The following BPIFC variants were observed in gnomAD, a reference collection of about 807,000 sequenced individuals.
BPIFC encodes the protein BPI fold-containing family C protein.
In BPIFC, 60 loss-of-function variants were observed where a neutral mutation model predicts 57.6. The observed-to-expected ratio is 1.04, with a 90% CI of 0.85 to 1.29. The LOEUF (loss-of-function observed/expected upper bound fraction) is 1.29, where lower values mean the gene tolerates loss of function less well. BPIFC is among the 50% of genes most tolerant of loss of function. The probability of loss-of-function intolerance (pLI) is 0.00; values close to 1 mark genes in which losing one functional copy is unlikely to be tolerated. For synonymous variants in BPIFC, 243 were observed against 224.5 expected, an observed-to-expected ratio of 1.08 and a Z score of -0.74; for missense variants, 581 against 600.5, an observed-to-expected ratio of 0.97 and a Z score of 0.34.
chr22:32,415,449 C>T (rs957794602), intron 16 of BPIFC, among the ~76,000 whole-genome samples: 66 of 152,136 alleles, frequency 4.3e-4, no homozygotes, highest in African/African-American at 1.5e-3. Flanking sequence ...AGCCGGAAAA[C>T]GATTCGATCC....
chr22:32,417,789 G>A (rs16990428), intron 14 of BPIFC, among the ~76,000 whole-genome samples: 13,168 of 152,080 alleles, frequency 0.087, 970 homozygotes, highest in East Asian at 0.45. Flanking sequence ...TGGGAATCTC[G>A]GCCACAGGAG....
chr22:32,436,011 T>C, intron 9 of BPIFC, 131 bp from the exon 10 acceptor site: 2 of 989,420 alleles, frequency 2.0e-6, no homozygotes, highest in Non-Finnish European at 2.9e-6. Context: ...GGCTCACGCC[T>C]ATAATCCCAA....
At chr22:32,463,648 A>C (rs1346336069) in intron 1 of BPIFC, among the ~76,000 whole-genome samples, 1 of 152,248 alleles carries the variant, frequency 6.6e-6, no homozygotes, top group African/African-American at 2.4e-5. Context: ...TGAAAAATTA[A>C]GTTCAACAGG....
chr22:32,434,781 T>A (rs1774203519), intron 10 of BPIFC, among the ~76,000 whole-genome samples: 1 of 152,200 alleles, frequency 6.6e-6, no homozygotes, highest in South Asian at 2.1e-4. Flanking sequence ...GCTTTATACC[T>A]ACTTATATAA....
intron 8 of BPIFC, among the ~76,000 whole-genome samples, chr22:32,441,037 A>C (rs1934551519): frequency 1.3e-5 from 2 of 152,078 alleles, no homozygotes; most frequent in South Asian, 2.1e-4. Context: ...CACATCCCTG[A>C]AGATCAAACC....
intron 5 of BPIFC, among the ~76,000 whole-genome samples, 175 bp downstream of exon 5, chr22:32,447,037 A>G (rs942029662): frequency 6.6e-6 from 1 of 151,932 alleles, no homozygotes; most frequent in South Asian, 2.1e-4. Flanking sequence ...TTTCATCAAA[A>G]CCCCCCAGTA....
rs573123988 is a variant in BPIFC at position 32,434,171 on chromosome 22, AATCT to A, written c.925-403_925-400del. Among the ~76,000 whole-genome samples, 827 of 149,448 alleles carry A rather than the reference AATCT, an allele frequency of 5.5e-3. 7 individuals are homozygous for A. The highest frequency in any genetic ancestry group is 0.019 in the African/African-American group (767 of 41,016). ...TACATATTCTTTATATATATATTAC[AATCT>A]ATCTATGTGTACATATTCTTTATTT... On this transcript the variant is annotated intron_variant, in intron 10 of 16. Transcript: ENST00000300399.
intron 13 of BPIFC, among the ~76,000 whole-genome samples, chr22:32,427,958 G>C (rs893064880): frequency 2.0e-5 from 3 of 152,164 alleles, no homozygotes; most frequent in African/African-American, 7.2e-5. Flanking sequence ...CTGCACTCCA[G>C]CCTGGGTGAC....
intron 2 of BPIFC, among the ~76,000 whole-genome samples, chr22:32,461,147 C>G (rs1435789102): frequency 6.6e-6 from 1 of 151,938 alleles, no homozygotes; most frequent in Non-Finnish European, 1.5e-5. Flanking sequence ...GTTGGGGGCA[C>G]TGGGAATAGG....
chr22:32,451,033 T>A (rs1464157937), intron 4 of BPIFC, among the ~76,000 whole-genome samples: 1 of 152,230 alleles, frequency 6.6e-6, no homozygotes, highest in Non-Finnish European at 1.5e-5. Flanking sequence ...TAAAAATGCA[T>A]TTCCTCAGTT....
intron 6 of BPIFC, 29 bp from the exon 7 acceptor site, chr22:32,445,727 A>AG (rs933087501): frequency 6.6e-7 from 1 of 1,526,004 alleles, no homozygotes; most frequent in Non-Finnish European, 8.8e-7. Context: ...AAAAAAAAAA[A>AG]AAAAAAAAGA....
In BPIFC at chr22:32,435,868, G is replaced by C. The variant is rs1934379907; in HGVS notation, c.760C>G (p.Pro254Ala). 2 of 1,613,330 alleles carry C rather than the reference G, an allele frequency of 1.2e-6. No individual in the cohort carries two copies. Among genetic ancestry groups the C allele is most frequent in the South Asian group, 2.2e-5 (2 of 90,996 alleles). ...LDLNLKGVFY[P>A]LENLTDPPFS... is the part of the protein sequence containing the mutation. ...GGGGGGTCGGTGAGGTTTTCCAGTG[G>C]GTAGAATACACCCTGTGGGAAAAGA... is the stretch of plus-strand genomic sequence containing the variant. The change falls in exon 10 of 17, where the codon CCA becomes GCA. Residue 254 changes from proline to alanine, a missense_variant. Coordinates refer to ENST00000300399, the MANE Select transcript of BPIFC (RefSeq NM_174932.3).
At chr22:32,431,439 A>ATTTATTT in intron 12 of BPIFC, 25 bp from the exon 13 acceptor site, 1 of 1,343,070 alleles carries the variant, frequency 7.4e-7, no homozygotes. Flanking sequence ...AGCATTTATT[A>ATTTATTT]TTAAGACGAG....
At position 32,445,833 on chromosome 22, in the gene BPIFC, T is replaced by C; in HGVS notation, c.530+8A>G. 1 of 1,611,532 alleles carries C rather than the reference T, an allele frequency of 6.2e-7. No homozygotes were observed. Among genetic ancestry groups the C allele is most frequent in the Non-Finnish European group, 8.5e-7 (1 of 1,178,776 alleles). The stretch of plus-strand genomic sequence containing the variant: ...CTAGCCACTGCCCAACCCAGGGCTC[T>C]CATTCACCTGAGTTCTCCGGAAAAT... On this transcript the variant is annotated splice_region_variant and intron_variant, in intron 6 of 16. Transcript: ENST00000300399.
At chr22:32,417,841 C>G (rs950126426) in intron 14 of BPIFC, among the ~76,000 whole-genome samples, 2 of 152,076 alleles carry the variant, frequency 1.3e-5, no homozygotes, top group African/African-American at 4.8e-5. Flanking sequence ...TTGCCATCCC[C>G]AGAACACCCA....
At position 32,420,184 on chromosome 22, in the gene BPIFC, G is replaced by C. The variant is rs1601442408; in HGVS notation, c.1218-780C>G. Among the ~76,000 whole-genome samples, 4 of 152,104 alleles carry C rather than the reference G, an allele frequency of 2.6e-5. 1 individual carries two copies. In the South Asian group the frequency reaches 8.3e-4, roughly 32 times the overall value. ...ATACAAAAAATTAGCAGGACATGGT[G>C]GTGGGCACCTCTAGTCCCAGCTACT... is the stretch of plus-strand genomic sequence containing the variant. On this transcript the variant is annotated intron_variant, in intron 13 of 16. Coordinates refer to ENST00000300399, the MANE Select transcript of BPIFC (RefSeq NM_174932.3).
At chr22:32,441,072 T>G (rs1438165203) in intron 8 of BPIFC, among the ~76,000 whole-genome samples, 2 of 152,126 alleles carry the variant, frequency 1.3e-5, no homozygotes, top group Non-Finnish European at 2.9e-5. Flanking sequence ...ATCTCTGGCC[T>G]CATTGCCTGC....
Position 32,445,821 on chromosome 22 carries a change from A to C in BPIFC, c.530+20T>G, listed in dbSNP as rs1934712058. On this transcript the variant is annotated intron_variant, in intron 6 of 16. Coordinates refer to ENST00000300399, the MANE Select transcript of BPIFC (RefSeq NM_174932.3). The stretch of plus-strand genomic sequence containing the variant: ...TCCAGCCCCTAACTAGCCACTGCCC[A>C]ACCCAGGGCTCTCATTCACCTGAGT... 7.4e-6 allele frequency: 12 copies of C among 1,611,960 alleles called. No individual in the cohort carries two copies. Among genetic ancestry groups the C allele is most frequent in the African/African-American group, 1.3e-5 (1 of 74,556 alleles).
intron 8 of BPIFC, among the ~76,000 whole-genome samples, chr22:32,438,805 T>C (rs1327817870): frequency 1.3e-5 from 2 of 148,356 alleles, no homozygotes; most frequent in African/African-American, 5.3e-5. Flanking sequence ...ATGTTATAAA[T>C]TGCAGTTAGA....
Sources: gnomAD v4.1 joint callset for allele counts (sites outside exome capture counted in the v4.1 genomes callset) on GRCh38, gnomAD v4.1.1 for gene constraint, MANE v1.5 for transcripts, NCBI Gene and HGNC (gene_info 2026-07-23, HGNC 2026-07-21) for gene names.